The following ZC3H7A variants were observed in gnomAD, a reference collection of about 807,000 sequenced individuals.
ZC3H7A encodes zinc finger CCCH-type containing 7A, also known as zinc finger CCCH domain-containing protein 7A.
Under a neutral mutation model 125.5 loss-of-function variants are expected in ZC3H7A, and 44 were observed. That is an observed-to-expected ratio of 0.35 (90% CI 0.28 to 0.45). ZC3H7A has a LOEUF of 0.45. ZC3H7A is among the 20% of genes least tolerant of loss of function. ZC3H7A has a pLI of 1.00. For synonymous variants in ZC3H7A, 399 were observed against 391.2 expected (o/e 1.02, Z -0.23); for missense variants, 977 against 1,170.7 (o/e 0.83, Z 2.41).
chr16:11,754,951 T>G (rs1482144955), intron 21 of ZC3H7A, among the ~76,000 whole-genome samples: 1 of 147,008 alleles, frequency 6.8e-6, no homozygotes, highest in Admixed American at 6.8e-5. Flanking sequence ...GGCTCATGCC[T>G]GTAATCCCAC....
At chr16:11,752,533 C>T in intron 22 of ZC3H7A, 136 bp downstream of exon 22, 1 of 1,121,864 alleles carries the variant, frequency 8.9e-7, no homozygotes, top group East Asian at 2.6e-5. Context: ...GAGCCAAAAC[C>T]CAAGAATCCT....
chr16:11,773,566 G>A (rs1596392184), intron 9 of ZC3H7A, among the ~76,000 whole-genome samples: 1 of 151,878 alleles, frequency 6.6e-6, no homozygotes, highest in East Asian at 1.9e-4. Context: ...GTATGTGGTT[G>A]CTAGAGGATT....
At chr16:11,753,599 G>A (rs1032908842) in intron 21 of ZC3H7A, 6 of 152,098 alleles carry the variant, frequency 3.9e-5, no homozygotes, top group Admixed American at 1.3e-4. Flanking sequence ...AAGCCACCAC[G>A]CCCAGCTCTA....
intron 1 of ZC3H7A, among the ~76,000 whole-genome samples, chr16:11,783,988 G>GTGCT (rs1555497197): frequency 7.6e-6 from 1 of 130,936 alleles, no homozygotes; most frequent in Non-Finnish European, 1.7e-5. Flanking sequence ...AAAAAGGGGG[G>GTGCT]GGCTGTGAGG....
At chr16:11,768,841 G>A (rs540563372) in intron 11 of ZC3H7A, among the ~76,000 whole-genome samples, 190 bp downstream of exon 11, 5 of 152,162 alleles carry the variant, frequency 3.3e-5, no homozygotes, top group African/African-American at 1.2e-4. Flanking sequence ...CGATTAATTT[G>A]CTATGACAGA....
intron 9 of ZC3H7A, among the ~76,000 whole-genome samples, chr16:11,773,447 T>TCAA (rs1187015591): frequency 1.3e-5 from 2 of 151,982 alleles, no homozygotes; most frequent in Non-Finnish European, 2.9e-5. Context: ...TGTTCTTCTC[T>TCAA]CAACCATTTA....
Position 11,784,843 on chromosome 16 carries a change from A to G in ZC3H7A, c.-34-2455T>C, listed in dbSNP as rs2053231298. Among the ~76,000 whole-genome samples, 5 of 134,392 alleles carry G rather than the reference A, an allele frequency of 3.7e-5. No individual in the cohort carries two copies. In the Admixed American group the frequency reaches 3.9e-4, roughly 10 times the overall value. 88.2% of individuals were successfully genotyped at this position (134,392 alleles called of 152,430 possible). A position where few individuals can be genotyped will look rare whatever the true frequency, so the allele number is the denominator to read the frequency against. Reference sequence around the variant, plus strand: ...CACTCCAGCCTGGGCAACAAGAGTGACACTCCATCTCAAAAAAAAAAAAAA... The same window carrying G: ...CACTCCAGCCTGGGCAACAAGAGTGGCACTCCATCTCAAAAAAAAAAAAAA... On this transcript the variant is annotated intron_variant, in intron 1 of 22. Transcript: ENST00000355758.
intron 4 of ZC3H7A, among the ~76,000 whole-genome samples, chr16:11,778,515 C>G (rs1055347459): frequency 7.4e-5 from 11 of 149,504 alleles, no homozygotes; most frequent in Non-Finnish European, 1.5e-4. Flanking sequence ...TGGATCTTGA[C>G]TAAGATGTTA....
At chr16:11,769,709 T>TAAAAAAAAAAAAA (rs2052937703) in intron 10 of ZC3H7A, among the ~76,000 whole-genome samples, 1 of 11,648 alleles carries the variant, frequency 8.6e-5, no homozygotes, top group African/African-American at 2.1e-3. Context: ...AGACTCTGTC[T>TAAAAAAAAAAAAA]CAAAAAAAAA....
chr16:11,797,223 G>C lies in ZC3H7A; in HGVS notation c.-134C>G, dbSNP rs1211739375. ...CGGCGGCGGCGGGGCCTGGGTGCTC[G>C]CTCGCAGCTCTCCCTCGGTTAGCGG... On this transcript the variant is annotated 5_prime_UTR_variant, in exon 1 of 23. Transcript: ENST00000355758. 1 of 151,598 alleles carries C rather than the reference G, an allele frequency of 6.6e-6. No individual in the cohort carries two copies. The highest frequency in any genetic ancestry group is 1.5e-5 in the Non-Finnish European group (1 of 68,194). 9.4% of individuals were successfully genotyped at this position (151,598 alleles called of 1,614,324 possible).
In ZC3H7A at chr16:11,758,413, G is replaced by A. The variant is rs758894120; in HGVS notation, c.2428+18C>T. On this transcript the variant is annotated intron_variant, in intron 20 of 22. Coordinates refer to ENST00000355758, the MANE Select transcript of ZC3H7A (RefSeq NM_014153.4). Reference sequence around the variant, plus strand: ...TCAGGCAAGCTAGCTCAAGGACACAGCTAAAAGATTAACTTACTCCCATTC... The same window carrying A: ...TCAGGCAAGCTAGCTCAAGGACACAACTAAAAGATTAACTTACTCCCATTC... 3.2e-6 allele frequency: 5 copies of A among 1,575,438 alleles called. 1 individual carries two copies. In the South Asian group the frequency reaches 5.5e-5, roughly 17 times the overall value.
At chr16:11,796,218 C>T (rs2053434001) in intron 1 of ZC3H7A, 1 of 152,194 alleles carries the variant, frequency 6.6e-6, no homozygotes, top group South Asian at 2.1e-4. Flanking sequence ...TAAAAGATTA[C>T]CAATGACATC....
chr16:11,784,211 A>T (rs900118890), intron 1 of ZC3H7A, among the ~76,000 whole-genome samples: 2 of 152,248 alleles, frequency 1.3e-5, no homozygotes, highest in Non-Finnish European at 2.9e-5. Flanking sequence ...AAATAAAACA[A>T]GAATGCCAAA....
intron 17 of ZC3H7A, among the ~76,000 whole-genome samples, chr16:11,762,362 C>T (rs959054351): frequency 1.3e-5 from 2 of 152,054 alleles, no homozygotes; most frequent in Non-Finnish European, 2.9e-5. Flanking sequence ...AGGTGGAAAG[C>T]TAAACTATAA....
chr16:11,790,324 C>G (rs1299153633), intron 1 of ZC3H7A, among the ~76,000 whole-genome samples: 2 of 152,148 alleles, frequency 1.3e-5, no homozygotes, highest in African/African-American at 4.8e-5. Flanking sequence ...GCTCAGCGTC[C>G]TTTCAAATTT....
At chr16:11,778,318 T>TC (rs2053116682) in intron 4 of ZC3H7A, among the ~76,000 whole-genome samples, 1 of 150,954 alleles carries the variant, frequency 6.6e-6, no homozygotes, top group South Asian at 2.1e-4. Flanking sequence ...GCGCCTGTAG[T>TC]CCCAGCTACT....
chr16:11,756,359 C>A lies in ZC3H7A; in HGVS notation c.2440G>T (p.Glu814Ter). ...YMKENGIQDM[E>*]QFYELWLKSQ... is the part of the protein sequence containing the mutation. ...TTGAGCCATAGTTCGTAAAATTGCT[C>A]CATATCTTGTACTAAAGAAAAATGA... The change falls in exon 21 of 23, where the codon GAG becomes TAG. Residue 814 changes from glutamate (E) to a stop codon, truncating the protein, a stop_gained. Transcript: ENST00000355758. LOFTEE classifies it high-confidence loss of function. The A allele has an allele frequency of 6.2e-7, 1 of 1,612,956 alleles. No homozygotes were observed. Among genetic ancestry groups the A allele is most frequent in the Non-Finnish European group, 8.5e-7 (1 of 1,179,694 alleles).
intron 1 of ZC3H7A, among the ~76,000 whole-genome samples, chr16:11,793,348 C>T (rs551388350): frequency 3.3e-5 from 5 of 151,996 alleles, no homozygotes; most frequent in Non-Finnish European, 5.9e-5. Context: ...GCCTAGGCAA[C>T]ATAGGAGACC....
chr16:11,776,369 AT>A lies in ZC3H7A; in HGVS notation c.547-12del, dbSNP rs753933763. 6.2e-7 allele frequency: 1 copy of A among 1,609,074 alleles called. No homozygotes were observed. Among genetic ancestry groups the A allele is most frequent in the African/African-American group, 1.3e-5 (1 of 74,636 alleles). Reference sequence around the variant, plus strand: ...TGATTTTAATGAGAGCTGAAATAAAATAAAGACACTAATTTAAAAACAGAAC... The same window carrying A: ...TGATTTTAATGAGAGCTGAAATAAAAAAAGACACTAATTTAAAAACAGAAC... On this transcript the variant is annotated splice_polypyrimidine_tract_variant and intron_variant, in intron 6 of 22. Transcript: ENST00000355758.
Sources: allele counts gnomAD v4.1 joint callset (sites outside exome capture counted in the v4.1 genomes callset), GRCh38; gene constraint gnomAD v4.1.1; transcripts MANE v1.5; gene names NCBI Gene and HGNC (gene_info 2026-07-23, HGNC 2026-07-21).